Variants in CCNYL1 observed in about 807,000 individuals in gnomAD.
CCNYL1 encodes cyclin-Y-like protein 1.
Under a neutral mutation model 44.2 loss-of-function variants are expected in CCNYL1, and 16 were observed. The ratio of observed to expected loss-of-function variants is 0.36; its 90% CI spans 0.25 to 0.55. The LOEUF (loss-of-function observed/expected upper bound fraction) is 0.55, where lower values mean the gene tolerates loss of function less well. Among genes scored for constraint, CCNYL1 ranks in the 20% least tolerant of loss-of-function variants. The pLI is 0.85. For synonymous variants in CCNYL1, 159 were observed against 163.2 expected (o/e 0.97, Z 0.20); for missense variants, 348 against 451.8 (o/e 0.77, Z 2.08).
At chr2:207,720,828 A>T (rs1337915806) in intron 1 of CCNYL1, among the ~76,000 whole-genome samples, 1 of 152,364 alleles carries the variant, frequency 6.6e-6, no homozygotes, top group East Asian at 1.9e-4. Flanking sequence ...GATCACTAAA[A>T]CATAGATTGA....
intron 1 of CCNYL1, among the ~76,000 whole-genome samples, 190 bp from the exon 2 acceptor site, chr2:207,724,610 C>T (rs1342740255): frequency 1.3e-5 from 2 of 152,318 alleles, no homozygotes; most frequent in African/African-American, 2.4e-5. Context: ...TTTTGTTCCA[C>T]GTGTGTGGAG....
intron 3 of CCNYL1, among the ~76,000 whole-genome samples, chr2:207,732,637 A>T (rs549154985): frequency 1.6e-4 from 24 of 150,204 alleles, no homozygotes; most frequent in Admixed American, 8.6e-4. Context: ...CTGTGGTTTT[A>T]AAAAAAAATG....
At chr2:207,717,140 A>C (rs1049222464) in intron 1 of CCNYL1, among the ~76,000 whole-genome samples, 6 of 151,944 alleles carry the variant, frequency 3.9e-5, no homozygotes, top group Non-Finnish European at 7.4e-5. Context: ...TCTTATGTCA[A>C]ATTGGAGTTA....
At position 207,753,624 on chromosome 2, in the gene CCNYL1, A is replaced by C; in HGVS notation, c.1006A>C (p.Arg336=). The change falls in exon 10 of 10, where the codon AGA becomes CGA. Residue 336 remains arginine, a synonymous_variant. Transcript: ENST00000295414. ...ATTGTGTGAAGACAAAGACTTGTGT[A>C]GAGCCGCTATGAGAAGGTCTTTCAG... ...SRLCEDKDLC[R]AAMRRSFSAD... 6.2e-7 allele frequency: 1 copy of C among 1,613,550 alleles called. No homozygotes were observed. Among genetic ancestry groups the C allele is most frequent in the Non-Finnish European group, 8.5e-7 (1 of 1,179,482 alleles).
At chr2:207,733,851 T>G in intron 3 of CCNYL1, 96 bp from the exon 4 acceptor site, 1 of 760,546 alleles carries the variant, frequency 1.3e-6, no homozygotes, top group Non-Finnish European at 2.3e-6. Context: ...AGAAATATCT[T>G]AATGCTTTAT....
intron 7 of CCNYL1, 118 bp from the exon 8 acceptor site, chr2:207,746,929 C>A: frequency 2.7e-6 from 2 of 744,626 alleles, no homozygotes. Context: ...GAGCCGAGAT[C>A]GCACCATTGC....
rs113060182 is a variant in CCNYL1, at chr2:207,739,217, C to T, written c.468-1438C>T. Among the ~76,000 whole-genome samples the T allele has an allele frequency of 9.9e-4, 150 of 152,162 alleles. No individual in the cohort carries two copies. In the Middle Eastern group the frequency reaches 0.01, roughly 10 times the overall value. On this transcript the variant is annotated intron_variant, in intron 5 of 9. Coordinates refer to ENST00000295414, the MANE Select transcript of CCNYL1 (RefSeq NM_001330218.2). Reference sequence around the variant, plus strand: ...GTTATTTTCTTGAAGTGACAGGCTTCATTTTTTTAAAACTTTTTATTTATT... The same window carrying T: ...GTTATTTTCTTGAAGTGACAGGCTTTATTTTTTTAAAACTTTTTATTTATT...
chr2:207,739,608 C>T (rs1366921868), intron 5 of CCNYL1, among the ~76,000 whole-genome samples: 1 of 152,186 alleles, frequency 6.6e-6, no homozygotes, highest in Non-Finnish European at 1.5e-5. Flanking sequence ...GCTTGTTTAG[C>T]TCACAATTAA....
chr2:207,752,113 TCTTA>T (rs1490766915), intron 9 of CCNYL1, among the ~76,000 whole-genome samples: 5 of 145,266 alleles, frequency 3.4e-5, no homozygotes, highest in South Asian at 2.3e-4. Flanking sequence ...CTCTTGACTG[TCTTA>T]CTTACTGTTT....
chr2:207,714,117 A>C (rs1413170674), intron 1 of CCNYL1, among the ~76,000 whole-genome samples: 1 of 152,222 alleles, frequency 6.6e-6, no homozygotes. Context: ...GCCACTGAGC[A>C]GAACTAAGGT....
rs374377058 is a variant in CCNYL1 at position 207,726,933 on chromosome 2, C to G, written c.330+57C>G. 4.5e-4 allele frequency: 564 copies of G among 1,249,190 alleles called. 2 individuals are homozygous for G. The highest frequency in any genetic ancestry group is 6.3e-5 in the Non-Finnish European group (58 of 913,680). 77.4% of individuals were successfully genotyped at this position (1,249,190 alleles called of 1,614,324 possible). ...ACAGTTGAATTAAAAGTATGTCTGT[C>G]ATGATTCCATAAAAATATAATGGGG... On this transcript the variant is annotated intron_variant, in intron 3 of 9. Coordinates refer to ENST00000295414, the MANE Select transcript of CCNYL1 (RefSeq NM_001330218.2).
At chr2:207,713,862 C>T (rs1449307487) in intron 1 of CCNYL1, among the ~76,000 whole-genome samples, 2 of 152,128 alleles carry the variant, frequency 1.3e-5, no homozygotes, top group Non-Finnish European at 2.9e-5. Flanking sequence ...CATGTAAGTG[C>T]TTGTGAAAAC....
chr2:207,742,112 T>C (rs981036733), intron 6 of CCNYL1, 111 bp from the exon 7 acceptor site: 44 of 1,052,586 alleles, frequency 4.2e-5, no homozygotes, highest in Non-Finnish European at 5.3e-5. Context: ...GATCATGCCA[T>C]TGCACTCCAG....
intron 1 of CCNYL1, among the ~76,000 whole-genome samples, chr2:207,714,988 G>T (rs1182180322): frequency 2.6e-5 from 4 of 152,128 alleles, no homozygotes; most frequent in Non-Finnish European, 5.9e-5. Context: ...TAAAACATTT[G>T]GCTGGGCATG....
chr2:207,748,929 A>G (rs1401068480), intron 8 of CCNYL1, among the ~76,000 whole-genome samples: 1 of 152,234 alleles, frequency 6.6e-6, no homozygotes, highest in East Asian at 1.9e-4. Flanking sequence ...GACTTTGATC[A>G]CTGCTGTCAT....
intron 3 of CCNYL1, among the ~76,000 whole-genome samples, chr2:207,728,213 C>T (rs1030789512): frequency 5.3e-5 from 8 of 151,944 alleles, no homozygotes; most frequent in Non-Finnish European, 8.8e-5. Flanking sequence ...ATCTGCCCGC[C>T]TTGGCCTCCC....
rs564264026 is a variant in CCNYL1, at chr2:207,712,285, C to T, written c.220+169C>T. 3.9e-5 allele frequency among the ~76,000 whole-genome samples: 6 copies of T among 152,318 alleles called. No homozygotes were observed. In the South Asian group the frequency reaches 1.2e-3, roughly 32 times the overall value. ...CCCACCCCTTATTCTTGCCCTGCTG[C>T]GTCTGGCCAGTTTCTTTTCCTCCTC... is the stretch of plus-strand genomic sequence containing the variant. On this transcript the variant is annotated intron_variant, in intron 1 of 9. Coordinates refer to ENST00000295414, the MANE Select transcript of CCNYL1 (RefSeq NM_001330218.2).
At chr2:207,741,407 C>A (rs923690256) in intron 6 of CCNYL1, among the ~76,000 whole-genome samples, 1 of 152,152 alleles carries the variant, frequency 6.6e-6, no homozygotes, top group Admixed American at 6.5e-5. Context: ...TGTATTTTTC[C>A]TTAATGATAA....
intron 3 of CCNYL1, among the ~76,000 whole-genome samples, chr2:207,732,444 G>A (rs13417854): frequency 0.16 from 23,596 of 152,046 alleles, 3,019 homozygotes; most frequent in East Asian, 0.38. Context: ...GGCTACTGGC[G>A]ATTTTTTAAT....
Sources: gnomAD v4.1 joint callset for allele counts (sites outside exome capture counted in the v4.1 genomes callset) on GRCh38, gnomAD v4.1.1 for gene constraint, MANE v1.5 for transcripts, NCBI Gene and HGNC (gene_info 2026-07-23, HGNC 2026-07-21) for gene names.